Variants in RPS6KC1 observed in about 807,000 individuals in gnomAD.
RPS6KC1 encodes inactive ribosomal protein S6 kinase delta-1.
In RPS6KC1, 54 loss-of-function variants were observed where a neutral mutation model predicts 103.8. That is an observed-to-expected ratio of 0.52 (90% confidence interval 0.42 to 0.65). The LOEUF (loss-of-function observed/expected upper bound fraction) is 0.65, where lower values mean the gene tolerates loss of function less well. Ranked by LOEUF, RPS6KC1 falls within the 30% of genes least tolerant of loss-of-function variation. The pLI, the probability that RPS6KC1 is intolerant of heterozygous loss-of-function variation, is 0.00. For synonymous variants in RPS6KC1, 439 were observed against 438.7 expected (o/e 1.00, Z -0.01); for missense variants, 1,151 against 1,253.8 (o/e 0.92, Z 1.24).
chr1:213,098,257 A>AG (rs1222184032), intron 3 of RPS6KC1, among the ~76,000 whole-genome samples: 1 of 151,494 alleles, frequency 6.6e-6, no homozygotes, highest in Non-Finnish European at 1.5e-5. Flanking sequence ...CTGGGACTAC[A>AG]GGGGACTACA....
At chr1:213,836,990 A>G in the RPS6KC1 span, among the ~76,000 whole-genome samples, 9 of 152,230 alleles carry the variant, frequency 5.9e-5, no homozygotes, top group Middle Eastern at 3.2e-3. Flanking sequence ...AATGGAGAGA[A>G]CAATTAAATC....
At chr1:213,306,890 T>A in the RPS6KC1 span, among the ~76,000 whole-genome samples, 16 of 152,304 alleles carry the variant, frequency 1.1e-4, no homozygotes, top group African/African-American at 3.6e-4. Context: ...GTGGGACGTC[T>A]GCATGTGGGT....
chr1:213,813,513 A>G, the RPS6KC1 span, among the ~76,000 whole-genome samples: 1 of 152,318 alleles, frequency 6.6e-6, no homozygotes, highest in East Asian at 1.9e-4. Flanking sequence ...CCACTCAAGG[A>G]TGTTAATTTG....
At chr1:213,411,076 C>T in the RPS6KC1 span, among the ~76,000 whole-genome samples, 1 of 152,152 alleles carries the variant, frequency 6.6e-6, no homozygotes, top group Non-Finnish European at 1.5e-5. Flanking sequence ...GGAGGGGTGA[C>T]AGGAGGTTAG....
intron 8 of RPS6KC1, among the ~76,000 whole-genome samples, chr1:213,193,887 A>C (rs146076189): frequency 7.9e-5 from 12 of 151,032 alleles, no homozygotes; most frequent in African/African-American, 2.9e-4. Context: ...CTCAGCCTCC[A>C]AATGTGCTGG....
At chr1:213,715,276 G>T in the RPS6KC1 span, among the ~76,000 whole-genome samples, 1 of 152,182 alleles carries the variant, frequency 6.6e-6, no homozygotes. Context: ...CTCTGATGTT[G>T]CAGGGAATCA....
chr1:213,612,016 GAC>G, the RPS6KC1 span, among the ~76,000 whole-genome samples: 1 of 152,316 alleles, frequency 6.6e-6, no homozygotes, highest in African/African-American at 2.4e-5. Context: ...GAGGAGGGAA[GAC>G]ACAGCTTCTG....
intron 8 of RPS6KC1, among the ~76,000 whole-genome samples, chr1:213,223,551 T>C (rs1296811312): frequency 2.0e-5 from 3 of 152,240 alleles, no homozygotes; most frequent in African/African-American, 4.8e-5. Context: ...TTTCTTTTTA[T>C]GGCTGAGTAG....
chr1:213,505,442 C>A, the RPS6KC1 span, among the ~76,000 whole-genome samples: 2 of 152,214 alleles, frequency 1.3e-5, no homozygotes, highest in East Asian at 3.8e-4. Flanking sequence ...CACGTGCCAG[C>A]TATATGACCT....
chr1:213,210,463 C>T lies in RPS6KC1; in HGVS notation c.1045-20034C>T, dbSNP rs533726057. On this transcript the variant is annotated intron_variant, in intron 8 of 14. Transcript: ENST00000366960. ...CAAGAGGATATTACAAACTGAAAACCGTCCAAACATTCCTGCTTCTCCTGT... is the reference window on the plus strand; with the variant it reads ...CAAGAGGATATTACAAACTGAAAACTGTCCAAACATTCCTGCTTCTCCTGT... 3.7e-4 allele frequency among the ~76,000 whole-genome samples: 57 copies of T among 152,258 alleles called. 1 individual carries two copies. In the South Asian group the frequency reaches 0.011, roughly 28 times the overall value.
the RPS6KC1 span, among the ~76,000 whole-genome samples, chr1:213,584,003 C>T: frequency 6.6e-6 from 1 of 152,026 alleles, no homozygotes; most frequent in Non-Finnish European, 1.5e-5. Context: ...CCCCATAATT[C>T]CCACGTGCTG....
chr1:213,515,480 A>G, the RPS6KC1 span, among the ~76,000 whole-genome samples: 1 of 152,220 alleles, frequency 6.6e-6, no homozygotes, highest in Admixed American at 6.5e-5. Context: ...CATTTATTAA[A>G]TAGGGAATCC....
intron 12 of RPS6KC1, among the ~76,000 whole-genome samples, chr1:213,257,212 A>G (rs998679673): frequency 3.9e-5 from 6 of 152,150 alleles, no homozygotes; most frequent in Non-Finnish European, 8.8e-5. Context: ...TGCTGTGGAA[A>G]ACAAACATAA....
At chr1:213,338,820 G>T in the RPS6KC1 span, among the ~76,000 whole-genome samples, 187 of 151,190 alleles carry the variant, frequency 1.2e-3, no homozygotes, top group African/African-American at 4.4e-3. Context: ...GCCCAGGCTG[G>T]CTTTGATCTT....
At chr1:213,833,193 A>G in the RPS6KC1 span, among the ~76,000 whole-genome samples, 4 of 152,132 alleles carry the variant, frequency 2.6e-5, no homozygotes, top group South Asian at 8.3e-4. Flanking sequence ...AAGCATGACC[A>G]CTTTCTTCCC....
At chr1:213,065,131 C>T (rs1033573141) in intron 1 of RPS6KC1, among the ~76,000 whole-genome samples, 3 of 151,698 alleles carry the variant, frequency 2.0e-5, no homozygotes, top group Admixed American at 6.6e-5. Flanking sequence ...CGTCTGCTAC[C>T]GTGCCTGGCT....
the RPS6KC1 span, among the ~76,000 whole-genome samples, chr1:213,651,251 C>T: frequency 6.6e-6 from 1 of 152,206 alleles, no homozygotes; most frequent in African/African-American, 2.4e-5. Context: ...AAACGCCAGA[C>T]AGGCAGTCAG....
intron 8 of RPS6KC1, among the ~76,000 whole-genome samples, chr1:213,220,666 G>T (rs982205068): frequency 2.6e-5 from 4 of 152,150 alleles, no homozygotes; most frequent in African/African-American, 7.2e-5. Context: ...AGATGCTTTT[G>T]TATAATTTTC....
the RPS6KC1 span, among the ~76,000 whole-genome samples, chr1:213,767,042 T>G: frequency 6.6e-6 from 1 of 152,204 alleles, no homozygotes; most frequent in Non-Finnish European, 1.5e-5. Flanking sequence ...CAATTCTCTC[T>G]CCCTTTAGAT....
Sources: allele counts gnomAD v4.1 joint callset (sites outside exome capture counted in the v4.1 genomes callset), GRCh38; gene constraint gnomAD v4.1.1; transcripts MANE v1.5; gene names NCBI Gene and HGNC (gene_info 2026-07-23, HGNC 2026-07-21).